The following SKOR2 variants were observed in gnomAD, a reference collection of about 807,000 sequenced individuals.
The protein encoded by SKOR2 is SKI family transcriptional corepressor 2, also known as LBX1 corepressor 1-like protein.
A neutral mutation model predicts 69.1 loss-of-function variants in SKOR2; 47 were observed. The ratio of observed to expected loss-of-function variants is 0.68; its 90% CI spans 0.54 to 0.87. The LOEUF (loss-of-function observed/expected upper bound fraction) is 0.87, where lower values mean the gene tolerates loss of function less well. Among genes scored for constraint, SKOR2 ranks in the 40% least tolerant of loss-of-function variants. SKOR2 has a pLI of 0.00. For missense variants in SKOR2, 1,404 were observed against 1,472.2 expected (o/e 0.95, Z 0.76); for synonymous variants, 717 against 672.6 (o/e 1.07, Z -1.02).
chr18:47,233,271 C>A (rs1353060790), intron 4 of SKOR2, among the ~76,000 whole-genome samples: 6 of 152,102 alleles, frequency 3.9e-5, no homozygotes, highest in Admixed American at 2.6e-4. Context: ...TACTCTTGAA[C>A]CTTGATACCT....
At chr18:47,245,388 TA>T in intron 3 of SKOR2, 109 bp downstream of exon 3, 2 of 1,013,260 alleles carry the variant, frequency 2.0e-6, no homozygotes, top group Non-Finnish European at 2.7e-6. Flanking sequence ...AATCAATGGT[TA>T]AAAACAGAAT....
chr18:47,248,074 GGCACCCGCCCCC>G lies in SKOR2; in HGVS notation c.1098_1109del (p.Gly371_Ala374del). 7.1e-7 allele frequency: 1 copy of G among 1,398,698 alleles called. No homozygotes were observed. 86.6% of individuals were successfully genotyped at this position (1,398,698 alleles called of 1,614,324 possible). The stretch of plus-strand genomic sequence containing the variant: ...TGCGCGGGCCTTTGGCCCCTGCCCC[GGCACCCGCCCCC>G]GCGCCCGCGCCCACGCCCACGCCGG... On this transcript the variant is annotated inframe_deletion, in exon 2 of 9. Coordinates refer to ENST00000425639, the MANE Select transcript of SKOR2 (RefSeq NM_001278063.4). This position sits in a 1 kb window ranked among gnomAD's most constrained non-coding sequence, Gnocchi z 6.4.
At chr18:47,213,133 A>G (rs2064132956) in intron 7 of SKOR2, among the ~76,000 whole-genome samples, 2 of 152,166 alleles carry the variant, frequency 1.3e-5, no homozygotes, top group East Asian at 1.9e-4. Flanking sequence ...AATGGTTGAA[A>G]TTGGACTCAA....
intron 7 of SKOR2, among the ~76,000 whole-genome samples, chr18:47,212,583 A>G (rs995217440): frequency 1.3e-5 from 2 of 152,254 alleles, no homozygotes; most frequent in Non-Finnish European, 2.9e-5. Flanking sequence ...TTTATAACAG[A>G]CGTAATTTCT....
intron 6 of SKOR2, among the ~76,000 whole-genome samples, chr18:47,226,679 C>T (rs1402332306): frequency 1.3e-5 from 2 of 152,312 alleles, no homozygotes; most frequent in Non-Finnish European, 2.9e-5. Context: ...AGCTGGTTTA[C>T]TATACAGTCA....
intron 4 of SKOR2, among the ~76,000 whole-genome samples, chr18:47,232,211 T>C (rs916015442): frequency 6.6e-6 from 1 of 152,176 alleles, no homozygotes; most frequent in Non-Finnish European, 1.5e-5. Context: ...AGTTAACTTA[T>C]ATTAGTTTGT....
chr18:47,244,040 C>T (rs753835796), intron 4 of SKOR2, among the ~76,000 whole-genome samples: 27 of 152,102 alleles, frequency 1.8e-4, no homozygotes, highest in Admixed American at 3.9e-4. Context: ...TAGGTATTTG[C>T]CTTTTGCCAT....
intron 6 of SKOR2, among the ~76,000 whole-genome samples, chr18:47,222,096 A>G (rs1512238): frequency 0.59 from 89,315 of 151,958 alleles, 26,460 homozygotes; most frequent in African/African-American, 0.64. Context: ...TGAAGCAGGA[A>G]AATTGCTTGA....
At chr18:47,207,908 A>G (rs2064117628) in intron 8 of SKOR2, among the ~76,000 whole-genome samples, 1 of 152,198 alleles carries the variant, frequency 6.6e-6, no homozygotes, top group Non-Finnish European at 1.5e-5. Context: ...TGCAGACATA[A>G]GGCAAAAATA....
At chr18:47,219,884 G>T (rs1476949782) in intron 7 of SKOR2, 59 bp downstream of exon 7, 1 of 1,407,980 alleles carries the variant, frequency 7.1e-7, no homozygotes, top group Non-Finnish European at 9.7e-7. Context: ...ATACATATTG[G>T]GTAGTCTGAA....
chr18:47,249,666 G>A (rs138297988), intron 1 of SKOR2, among the ~76,000 whole-genome samples: 1 of 152,278 alleles, frequency 6.6e-6, no homozygotes. Flanking sequence ...TCATTTGCTT[G>A]GAGATAGATT....
rs372402854 is a variant in SKOR2, at chr18:47,238,931, T to G, written c.2752+5977A>C. On this transcript the variant is annotated intron_variant, in intron 4 of 8. Transcript: ENST00000425639. ...GTTGCTCAACAGCAGGCACAGGGCCTGGCCACTGTTGAACAAAAGCTCCAC... is the reference window on the plus strand; with the variant it reads ...GTTGCTCAACAGCAGGCACAGGGCCGGGCCACTGTTGAACAAAAGCTCCAC... 9.2e-5 allele frequency among the ~76,000 whole-genome samples: 14 copies of G among 152,364 alleles called. No individual in the cohort carries two copies. The East Asian group carries it at 2.5e-3, about 27-fold the overall frequency.
chr18:47,247,812 C>A lies in SKOR2; in HGVS notation c.1372G>T (p.Gly458Cys). ...GGCGGATAGAAGGCGTCCTTGCGGC[C>A]CGCGGGCCAGAAGAGGCCGGACAAG... is the stretch of plus-strand genomic sequence containing the variant. ...AGLSGLFWPA[G>C]RKDAFYPPFC... The change falls in exon 2 of 9, where the codon GGC becomes TGC. Residue 458 changes from glycine to cysteine, a missense_variant. Transcript: ENST00000425639. This position sits in a 1 kb window ranked among gnomAD's most constrained non-coding sequence, Gnocchi z 6.6. The A allele has an allele frequency of 7.2e-7, 1 of 1,397,118 alleles. No homozygotes were observed. The highest frequency in any genetic ancestry group is 9.2e-7 in the Non-Finnish European group (1 of 1,083,042). 86.5% of individuals were successfully genotyped at this position (1,397,118 alleles called of 1,614,324 possible). A position where few individuals can be genotyped will look rare whatever the true frequency, so the allele number is the denominator to read the frequency against.
intron 4 of SKOR2, among the ~76,000 whole-genome samples, chr18:47,244,261 A>T (rs1047257779): frequency 1.3e-5 from 2 of 152,058 alleles, no homozygotes; most frequent in African/African-American, 4.8e-5. Flanking sequence ...CAGGATAACA[A>T]CCTCGTTTGA....
intron 7 of SKOR2, among the ~76,000 whole-genome samples, chr18:47,219,594 G>A (rs1325684949): frequency 6.6e-6 from 1 of 152,190 alleles, no homozygotes. Flanking sequence ...GTGAAAGGAA[G>A]AGAGGATGGA....
At chr18:47,239,244 T>C (rs947195776) in intron 4 of SKOR2, among the ~76,000 whole-genome samples, 2 of 152,204 alleles carry the variant, frequency 1.3e-5, no homozygotes, top group Non-Finnish European at 1.5e-5. Context: ...AATTTTCTCC[T>C]CTATCAGTGG....
chr18:47,240,773 T>G (rs1160180952), intron 4 of SKOR2, among the ~76,000 whole-genome samples: 2 of 152,188 alleles, frequency 1.3e-5, no homozygotes, highest in Non-Finnish European at 2.9e-5. Flanking sequence ...CAATTAAATA[T>G]AGGTCTATAT....
intron 6 of SKOR2, among the ~76,000 whole-genome samples, chr18:47,227,905 G>C (rs1034994446): frequency 6.6e-6 from 1 of 152,180 alleles, no homozygotes; most frequent in Non-Finnish European, 1.5e-5. Context: ...TTTGAGCCTA[G>C]ATTCTTAATT....
chr18:47,235,780 CA>C (rs11433396), intron 4 of SKOR2, among the ~76,000 whole-genome samples: 3,209 of 59,270 alleles, frequency 0.054, 55 homozygotes, highest in East Asian at 0.12. Context: ...CACAAACAAG[CA>C]AAAAAAAAAA....
Sources: gnomAD v4.1 joint callset for allele counts (sites outside exome capture counted in the v4.1 genomes callset) on GRCh38, gnomAD v4.1.1 for gene constraint, Gnocchi (gnomAD v3.1) non-coding constraint, MANE v1.5 for transcripts, NCBI Gene and HGNC (gene_info 2026-07-23, HGNC 2026-07-21) for gene names.